DCPS: variants seen among roughly 807,000 people sequenced by gnomAD.
DCPS encodes the protein decapping enzyme, scavenger.
A neutral mutation model predicts 34.7 loss-of-function variants in DCPS; 27 were observed. That is an observed-to-expected ratio of 0.78 (90% CI 0.57 to 1.07). The LOEUF is 1.07. Among genes scored for constraint, DCPS ranks in the 50% least tolerant of loss-of-function variants. The pLI, the probability that DCPS is intolerant of heterozygous loss-of-function variation, is 0.00. For synonymous variants in DCPS, 185 were observed against 185.7 expected (o/e 1.00, Z 0.03); for missense variants, 464 against 436.9 (o/e 1.06, Z -0.55).
At chr11:126,330,469 G>A (rs1240330243) in intron 2 of DCPS, among the ~76,000 whole-genome samples, 1 of 151,864 alleles carries the variant, frequency 6.6e-6, no homozygotes, top group East Asian at 1.9e-4. Flanking sequence ...CCAGCCTTAT[G>A]ACACAGGAGC....
intron 2 of DCPS, among the ~76,000 whole-genome samples, chr11:126,318,084 G>A (rs554368432): frequency 7.9e-5 from 12 of 152,284 alleles, no homozygotes; most frequent in African/African-American, 2.9e-4. Flanking sequence ...GAGGACTAGC[G>A]AGAGGGAGGG....
At chr11:126,305,788 G>A (rs1591379476) in intron 1 of DCPS, among the ~76,000 whole-genome samples, 1 of 152,126 alleles carries the variant, frequency 6.6e-6, no homozygotes, top group Non-Finnish European at 1.5e-5. Context: ...TTTTTTGTAT[G>A]CGATTCTGTC....
chr11:126,334,412 C>T lies in DCPS; in HGVS notation c.522+2862C>T, dbSNP rs573107571. Among the ~76,000 whole-genome samples the T allele has an allele frequency of 7.3e-5, 11 of 150,962 alleles. No homozygotes were observed. The South Asian group carries it at 2.1e-3, about 29-fold the overall frequency. The stretch of plus-strand genomic sequence containing the variant: ...AAGCTGGAGTGCAATGGTGTGATCT[C>T]GGCTCACTGCAACCTTCTCCTGCCA... On this transcript the variant is annotated intron_variant, in intron 3 of 5. Transcript: ENST00000263579. The surrounding 1 kb of genome is among the most constrained non-coding windows in gnomAD (Gnocchi z 5.5).
chr11:126,306,029 T>G (rs1381119093), intron 1 of DCPS, among the ~76,000 whole-genome samples: 3 of 152,200 alleles, frequency 2.0e-5, no homozygotes. Context: ...TGAGAAGCCT[T>G]GTATTCTGGG....
At position 126,315,111 on chromosome 11, in the gene DCPS, A is replaced by C. The variant is rs1033655982; in HGVS notation, c.376+8367A>C. On this transcript the variant is annotated intron_variant, in intron 2 of 5. Coordinates refer to ENST00000263579, the MANE Select transcript of DCPS (RefSeq NM_014026.6). The surrounding 1 kb of genome is among the most constrained non-coding windows in gnomAD (Gnocchi z 6.1). The stretch of plus-strand genomic sequence containing the variant: ...TGCCCACTTGAGGGTGGAGGGTTGG[A>C]GGAGTAAGAGGATCAAAAAACTCCC... 6.6e-6 allele frequency among the ~76,000 whole-genome samples: 1 copy of C among 152,126 alleles called. No individual in the cohort carries two copies. Among genetic ancestry groups the C allele is most frequent in the South Asian group, 2.1e-4 (1 of 4,830 alleles).
At position 126,313,861 on chromosome 11, in the gene DCPS, T is replaced by C. The variant is rs683800; in HGVS notation, c.376+7117T>C. Among the ~76,000 whole-genome samples, 57,176 of 152,094 alleles carry C rather than the reference T, an allele frequency of 0.38. 11,872 individuals carry two copies. Among genetic ancestry groups the C allele is most frequent in the East Asian group, 0.68 (3,519 of 5,162 alleles). On this transcript the variant is annotated intron_variant, in intron 2 of 5. Transcript: ENST00000263579. This position sits in a 1 kb window ranked among gnomAD's most constrained non-coding sequence, Gnocchi z 4.9. ...TACATATTTTATATACATACACACC[T>C]GTGTTTTATATGTATAATGTATTTC... is the stretch of plus-strand genomic sequence containing the variant.
rs1049904214 is a variant in DCPS, at chr11:126,328,511, C to T, written c.377-2894C>T. On this transcript the variant is annotated intron_variant, in intron 2 of 5. Transcript: ENST00000263579. This position sits in a 1 kb window ranked among gnomAD's most constrained non-coding sequence, Gnocchi z 6.6. ...GGATGCTCTTGCTGCTGAGGGGAGGCGGGAGGGGCTGGCTGGGTGAGACGC... is the reference window on the plus strand; with the variant it reads ...GGATGCTCTTGCTGCTGAGGGGAGGTGGGAGGGGCTGGCTGGGTGAGACGC... 2.6e-5 allele frequency among the ~76,000 whole-genome samples: 4 copies of T among 152,170 alleles called. No homozygotes were observed. The highest frequency in any genetic ancestry group is 7.2e-5 in the African/African-American group (3 of 41,512).
chr11:126,341,593 A>T (rs1951876217), intron 4 of DCPS: 2 of 152,192 alleles, frequency 1.3e-5, no homozygotes, highest in African/African-American at 4.8e-5. Flanking sequence ...AGCAGACATC[A>T]TCTAAACAAA....
At chr11:126,311,576 C>A (rs77270398) in intron 2 of DCPS, among the ~76,000 whole-genome samples, 18,801 of 152,130 alleles carry the variant, frequency 0.12, 1,218 homozygotes, top group African/African-American at 0.16. Context: ...AGGCTGAGGC[C>A]TGAAAGATGG....
intron 2 of DCPS, among the ~76,000 whole-genome samples, chr11:126,307,068 A>G (rs1156928160): frequency 6.6e-6 from 1 of 151,992 alleles, no homozygotes; most frequent in Non-Finnish European, 1.5e-5. Flanking sequence ...GGTGGCCCAC[A>G]CCTGTAATCC....
In DCPS at chr11:126,313,941, C is replaced by G. The variant is rs753135085; in HGVS notation, c.376+7197C>G. Among the ~76,000 whole-genome samples, 10 of 152,148 alleles carry G rather than the reference C, an allele frequency of 6.6e-5. No homozygotes were observed. Among genetic ancestry groups the G allele is most frequent in the Non-Finnish European group, 1.5e-4 (10 of 68,044 alleles). On this transcript the variant is annotated intron_variant, in intron 2 of 5. Transcript: ENST00000263579. The surrounding 1 kb of genome is among the most constrained non-coding windows in gnomAD (Gnocchi z 4.9). Reference sequence around the variant, plus strand: ...TCCTTAGATGGACTAGAAAGATCGTCCCATGAATTTCAAGGGCTGCATCCT... The same window carrying G: ...TCCTTAGATGGACTAGAAAGATCGTGCCATGAATTTCAAGGGCTGCATCCT...
intron 2 of DCPS, among the ~76,000 whole-genome samples, chr11:126,316,329 C>CT (rs764198724): frequency 7.6e-4 from 108 of 142,474 alleles, no homozygotes; most frequent in East Asian, 3.3e-3. Flanking sequence ...TCCGTGATTT[C>CT]TTTTTTTTTT....
chr11:126,346,347 A>G lies in DCPS; in HGVS notation c.*734A>G, dbSNP rs557834424. Among the ~76,000 whole-genome samples the G allele has an allele frequency of 6.6e-6, 1 of 152,324 alleles. No homozygotes were observed. The highest frequency in any genetic ancestry group is 6.5e-5 in the Admixed American group (1 of 15,302). On this transcript the variant is annotated 3_prime_UTR_variant, in exon 6 of 6. Transcript: ENST00000263579. The surrounding 1 kb of genome is among the most constrained non-coding windows in gnomAD (Gnocchi z 4.1). ...TGAAGCAGCCAGAAGATCAAGTGCAAAACAGTGAATCAGCAAGGGCAAATG... is the reference window on the plus strand; with the variant it reads ...TGAAGCAGCCAGAAGATCAAGTGCAGAACAGTGAATCAGCAAGGGCAAATG...
At chr11:126,304,491 A>T (rs894484511) in intron 1 of DCPS, among the ~76,000 whole-genome samples, 51 of 152,150 alleles carry the variant, frequency 3.4e-4, no homozygotes, top group African/African-American at 1.2e-3. Flanking sequence ...TCTAGCTCTA[A>T]TTTTTCTAAT....
chr11:126,338,269 T>C lies in DCPS; in HGVS notation c.523-17T>C. 1 of 1,612,616 alleles carries C rather than the reference T, an allele frequency of 6.2e-7. No individual in the cohort carries two copies. Among genetic ancestry groups the C allele is most frequent in the Non-Finnish European group, 8.5e-7 (1 of 1,178,632 alleles). On this transcript the variant is annotated splice_polypyrimidine_tract_variant and intron_variant, in intron 3 of 5. Coordinates refer to ENST00000263579, the MANE Select transcript of DCPS (RefSeq NM_014026.6). This position sits in a 1 kb window ranked among gnomAD's most constrained non-coding sequence, Gnocchi z 5.4. ...GATGAGTGGATTTGTGAACCATCTC[T>C]CTCCCCCTCCTTTCAGTGGGTGTAT...
At position 126,344,173 on chromosome 11, in the gene DCPS, A is replaced by G. The variant is rs576506488; in HGVS notation, c.747+756A>G. Among the ~76,000 whole-genome samples the G allele has an allele frequency of 1.3e-5, 2 of 152,254 alleles. No individual in the cohort carries two copies. The highest frequency in any genetic ancestry group is 4.8e-5 in the African/African-American group (2 of 41,548). ...AGTCACAACGATGCCCAGCCAGGAGAGAGGTTTGCCCCTTTTTGACCAGTG... is the reference window on the plus strand; with the variant it reads ...AGTCACAACGATGCCCAGCCAGGAGGGAGGTTTGCCCCTTTTTGACCAGTG... On this transcript the variant is annotated intron_variant, in intron 5 of 5. Coordinates refer to ENST00000263579, the MANE Select transcript of DCPS (RefSeq NM_014026.6). This position sits in a 1 kb window ranked among gnomAD's most constrained non-coding sequence, Gnocchi z 8.1.
At position 126,349,886 on chromosome 11, in the gene DCPS, C is replaced by A. The variant is rs1158850176; in HGVS notation, c.*4273C>A. On this transcript the variant is annotated 3_prime_UTR_variant, in exon 6 of 6. Transcript: ENST00000263579. This position sits in a 1 kb window ranked among gnomAD's most constrained non-coding sequence, Gnocchi z 5.4. ...TGAAATTACATTGAATTCTGAAATC[C>A]ATGTCAACTTGAAGTTACCAAGTTT... Among the ~76,000 whole-genome samples the A allele has an allele frequency of 6.6e-6, 1 of 152,134 alleles. No individual in the cohort carries two copies. Among genetic ancestry groups the A allele is most frequent in the Non-Finnish European group, 1.5e-5 (1 of 68,022 alleles).
At chr11:126,307,456 G>A (rs1591380162) in intron 2 of DCPS, among the ~76,000 whole-genome samples, 1 of 152,018 alleles carries the variant, frequency 6.6e-6, no homozygotes. Flanking sequence ...TGTTGCCCAG[G>A]CTAGAGTGCA....
chr11:126,324,481 G>A (rs569000408), intron 2 of DCPS, among the ~76,000 whole-genome samples: 40 of 151,840 alleles, frequency 2.6e-4, no homozygotes, highest in African/African-American at 9.2e-4. Context: ...TTTAGACAGG[G>A]TCTCACTCTG....
Sources: gnomAD v4.1 joint callset for allele counts (sites outside exome capture counted in the v4.1 genomes callset) on GRCh38, gnomAD v4.1.1 for gene constraint, Gnocchi (gnomAD v3.1) non-coding constraint, MANE v1.5 for transcripts, NCBI Gene and HGNC (gene_info 2026-07-23, HGNC 2026-07-21) for gene names.